FGF13: variants seen among roughly 807,000 people sequenced by gnomAD.
FGF13 encodes the protein fibroblast growth factor 13.
Under a neutral mutation model 19.5 loss-of-function variants are expected in FGF13, and 2 were observed. That is an observed-to-expected ratio of 0.10 (90% CI 0.04 to 0.32). The LOEUF (loss-of-function observed/expected upper bound fraction) is 0.32. Among genes scored for constraint, FGF13 ranks in the 10% least tolerant of loss-of-function variants. FGF13 has a pLI of 1.00. For missense variants in FGF13, 113 were observed against 192.7 expected (o/e 0.59, Z 2.45); for synonymous variants, 72 against 76.9 (o/e 0.94, Z 0.33).
At chrX:139,071,326 T>C (rs1352802210) in intron 1 of FGF13, among the ~76,000 whole-genome samples, 1 of 111,987 alleles carries the variant, frequency 8.9e-6, no homozygotes, top group African/African-American at 3.2e-5. Flanking sequence ...TTTGGAAGTT[T>C]TATGTTTTAT....
chrX:138,769,859 A>G (rs1483308253), intron 3 of FGF13, among the ~76,000 whole-genome samples: 1 of 112,422 alleles, frequency 8.9e-6, no homozygotes, highest in African/African-American at 3.2e-5. Context: ...CGATAGAGAA[A>G]AAATTGAGCA....
At chrX:138,874,068 G>A (rs1291068228) in intron 1 of FGF13, among the ~76,000 whole-genome samples, 1 of 104,388 alleles carries the variant, frequency 9.6e-6, no homozygotes, top group Non-Finnish European at 2.0e-5. Flanking sequence ...ATGAGTTAAT[G>A]GGTGCAGCAC....
At chrX:138,907,072 G>A (rs957386054) in intron 1 of FGF13, among the ~76,000 whole-genome samples, 2 of 111,403 alleles carry the variant, frequency 1.8e-5, no homozygotes, top group African/African-American at 6.5e-5. Context: ...TATTATTCAA[G>A]TTGGCTAGGA....
At chrX:138,690,646 A>G (rs1197494339) in intron 3 of FGF13, among the ~76,000 whole-genome samples, 1 of 111,187 alleles carries the variant, frequency 9.0e-6, no homozygotes, top group Non-Finnish European at 1.9e-5. Context: ...TAGAAGCATG[A>G]TCTTAGTGTG....
chrX:139,003,196 G>A (rs1056419608), intron 1 of FGF13, among the ~76,000 whole-genome samples: 4 of 110,416 alleles, frequency 3.6e-5, no homozygotes, highest in African/African-American at 9.9e-5. Context: ...TGGTGGGTTC[G>A]TGGTCTCGCT....
chrX:139,190,368 T>C (rs1455468433), intron 1 of FGF13, among the ~76,000 whole-genome samples: 2 of 106,108 alleles, frequency 1.9e-5, no homozygotes, highest in East Asian at 2.9e-4. Flanking sequence ...AATTGGTTGC[T>C]TGCTTGATAA....
chrX:138,777,778 T>C (rs1438467541), intron 3 of FGF13, among the ~76,000 whole-genome samples: 1 of 111,527 alleles, frequency 9.0e-6, no homozygotes, highest in Non-Finnish European at 1.9e-5. Flanking sequence ...CAAATCTCAA[T>C]GGAGTGACTT....
chrX:138,647,577 T>C (rs1337691375), intron 3 of FGF13, among the ~76,000 whole-genome samples: 1 of 112,042 alleles, frequency 8.9e-6, no homozygotes, highest in Non-Finnish European at 1.9e-5. Context: ...ACTGAGCCCC[T>C]AGTAGCTTAA....
chrX:139,097,833 T>C (rs774845340), intron 1 of FGF13, among the ~76,000 whole-genome samples: 2 of 111,972 alleles, frequency 1.8e-5, no homozygotes, highest in African/African-American at 3.2e-5. Flanking sequence ...GATGATATCA[T>C]TGACTATATA....
intron 1 of FGF13, among the ~76,000 whole-genome samples, chrX:138,898,699 G>A (rs976232844): frequency 2.7e-5 from 3 of 111,430 alleles, no homozygotes; most frequent in East Asian, 2.8e-4. Flanking sequence ...GGGGAGATTC[G>A]TGAGAGGGAG....
chrX:139,026,022 T>G (rs1030542316), intron 1 of FGF13, among the ~76,000 whole-genome samples: 1 of 111,422 alleles, frequency 9.0e-6, no homozygotes, highest in Non-Finnish European at 1.9e-5. Context: ...TTGTAAGGCC[T>G]GCCACAGGAT....
chrX:139,197,993 CAAAAAAAAAA>C (rs57335781), intron 1 of FGF13, among the ~76,000 whole-genome samples: 1 of 23,294 alleles, frequency 4.3e-5, no homozygotes, highest in African/African-American at 1.5e-4. Context: ...GACCCTACCT[CAAAAAAAAAA>C]AAAAAAAAAA....
intron 3 of FGF13, among the ~76,000 whole-genome samples, chrX:138,648,296 C>T (rs2089329099): frequency 9.0e-6 from 1 of 111,293 alleles, no homozygotes; most frequent in Non-Finnish European, 1.9e-5. Context: ...CTATTTTTTA[C>T]ATTCCTCCTG....
At chrX:139,170,115 C>T (rs1403677798) in intron 1 of FGF13, among the ~76,000 whole-genome samples, 2 of 111,290 alleles carry the variant, frequency 1.8e-5, no homozygotes, top group African/African-American at 6.5e-5. Flanking sequence ...ACAAAGAGAC[C>T]TATTGTGAAA....
chrX:139,204,303 TGAA>T (rs1459497152), upstream of FGF13: 5 of 360,729 alleles, frequency 1.4e-5, no homozygotes, highest in Admixed American at 5.5e-5. Flanking sequence ...AGGAAAGGGG[TGAA>T]GGAGGAGCCG....
intron 1 of FGF13, among the ~76,000 whole-genome samples, chrX:139,114,100 G>A (rs956902881): frequency 8.9e-6 from 1 of 111,842 alleles, no homozygotes; most frequent in Non-Finnish European, 1.9e-5. Flanking sequence ...CTGGTTAACC[G>A]GAAGCTGGCT....
intron 3 of FGF13, among the ~76,000 whole-genome samples, chrX:138,792,518 A>G (rs1180381741): frequency 8.9e-6 from 1 of 111,849 alleles, no homozygotes; most frequent in Non-Finnish European, 1.9e-5. Context: ...GGTTAAAATA[A>G]CTTATCCAAG....
At chrX:139,149,413 T>C (rs1280474836) in intron 1 of FGF13, among the ~76,000 whole-genome samples, 1 of 112,434 alleles carries the variant, frequency 8.9e-6, no homozygotes. Context: ...GAACCTAATC[T>C]TCACATATGC....
chrX:139,172,302 T>C (rs2084140125), intron 1 of FGF13, among the ~76,000 whole-genome samples: 1 of 111,816 alleles, frequency 8.9e-6, no homozygotes, highest in Non-Finnish European at 1.9e-5. Flanking sequence ...CTGCAGCAGG[T>C]TGTAAGGCCA....
Sources: allele counts gnomAD v4.1 joint callset (sites outside exome capture counted in the v4.1 genomes callset), GRCh38; gene constraint gnomAD v4.1.1; transcripts MANE v1.5; gene names NCBI Gene and HGNC (gene_info 2026-07-23, HGNC 2026-07-21).